Variants in OSBPL11 observed in about 807,000 individuals in gnomAD.
OSBPL11 encodes oxysterol-binding protein-related protein 11.
A neutral mutation model predicts 84.4 loss-of-function variants in OSBPL11; 33 were observed. The observed-to-expected ratio is 0.39, with a 90% confidence interval of 0.30 to 0.52. OSBPL11 has a LOEUF of 0.52. Ranked by LOEUF, OSBPL11 falls within the 20% of genes least tolerant of loss-of-function variation. The pLI is 0.72. For missense variants in OSBPL11, 736 were observed against 901.1 expected (o/e 0.82, Z 2.35); for synonymous variants, 276 against 310.2 (o/e 0.89, Z 1.16).
At chr3:125,578,321 T>C (rs1936362869) in intron 4 of OSBPL11, among the ~76,000 whole-genome samples, 1 of 152,104 alleles carries the variant, frequency 6.6e-6, no homozygotes, top group African/African-American at 2.4e-5. Flanking sequence ...ATGCCCAGAA[T>C]AGACAAATCC....
At chr3:125,579,343 T>G (rs1936385403) in intron 3 of OSBPL11, among the ~76,000 whole-genome samples, 1 of 152,236 alleles carries the variant, frequency 6.6e-6, no homozygotes, top group Non-Finnish European at 1.5e-5. Flanking sequence ...CTTAATTATT[T>G]GATGTATAAT....
chr3:125,565,722 A>G (rs1936143403), intron 6 of OSBPL11, among the ~76,000 whole-genome samples: 1 of 152,208 alleles, frequency 6.6e-6, no homozygotes, highest in African/African-American at 2.4e-5. Flanking sequence ...GAAAATTTAT[A>G]TTGAACTACT....
At chr3:125,549,741 C>G (rs891366648) in intron 9 of OSBPL11, among the ~76,000 whole-genome samples, 16 of 152,210 alleles carry the variant, frequency 1.1e-4, no homozygotes, top group Admixed American at 3.3e-4. Flanking sequence ...TCCACCTCGG[C>G]CCACCAAAGT....
chr3:125,585,392 T>C (rs1936489901), intron 1 of OSBPL11, among the ~76,000 whole-genome samples: 1 of 152,172 alleles, frequency 6.6e-6, no homozygotes, highest in African/African-American at 2.4e-5. Context: ...TGCCTCAGCC[T>C]CCCAAAGTGC....
At chr3:125,554,779 G>A (rs544228796) in intron 8 of OSBPL11, among the ~76,000 whole-genome samples, 16 of 152,006 alleles carry the variant, frequency 1.1e-4, no homozygotes, top group African/African-American at 2.7e-4. Context: ...GATAAAAGGC[G>A]AGGAAATCTC....
At position 125,576,150 on chromosome 3, in the gene OSBPL11, C is replaced by G. The variant is rs775529320; in HGVS notation, c.666+39G>C. On this transcript the variant is annotated intron_variant, in intron 5 of 12. Transcript: ENST00000296220. The stretch of plus-strand genomic sequence containing the variant: ...TGTGACAAAACCAAGCAGGTAAAAT[C>G]ATTTTGTGCATTTTAACTTGACTTT... 6.6e-5 allele frequency: 103 copies of G among 1,552,196 alleles called. 1 individual carries two copies. The South Asian group carries it at 9.8e-4, about 15-fold the overall frequency.
chr3:125,540,584 A>G (rs1276648367), intron 10 of OSBPL11, among the ~76,000 whole-genome samples: 1 of 152,128 alleles, frequency 6.6e-6, no homozygotes, highest in Non-Finnish European at 1.5e-5. Context: ...TATCTCTATC[A>G]AACAGGATAT....
chr3:125,559,269 A>G (rs1335907495), intron 8 of OSBPL11, among the ~76,000 whole-genome samples: 1 of 152,146 alleles, frequency 6.6e-6, no homozygotes, highest in Non-Finnish European at 1.5e-5. Flanking sequence ...GTTCTGTAGG[A>G]TTACGTAATT....
At chr3:125,573,219 G>T (rs1349007438) in intron 5 of OSBPL11, among the ~76,000 whole-genome samples, 2 of 151,616 alleles carry the variant, frequency 1.3e-5, no homozygotes, top group East Asian at 3.9e-4. Flanking sequence ...AAAAAAAAAA[G>T]AAAACTTCAA....
At chr3:125,588,766 A>G (rs1464434067) in intron 1 of OSBPL11, among the ~76,000 whole-genome samples, 2 of 152,204 alleles carry the variant, frequency 1.3e-5, no homozygotes, top group East Asian at 3.8e-4. Flanking sequence ...CCTGGGATAT[A>G]ATGTTTATTT....
At chr3:125,572,905 TAA>T (rs1936263529) in intron 5 of OSBPL11, among the ~76,000 whole-genome samples, 3 of 142,114 alleles carry the variant, frequency 2.1e-5, no homozygotes, top group Non-Finnish European at 4.6e-5. Context: ...GTACATATTA[TAA>T]AGTGTGTGTA....
intron 9 of OSBPL11, among the ~76,000 whole-genome samples, chr3:125,548,174 T>C (rs12490771): frequency 0.068 from 10,324 of 152,236 alleles, 470 homozygotes; most frequent in Non-Finnish European, 0.098. Flanking sequence ...CCACTGTGCC[T>C]GGCCCCTGAA....
At chr3:125,558,727 T>C (rs1261229697) in intron 8 of OSBPL11, among the ~76,000 whole-genome samples, 2 of 152,232 alleles carry the variant, frequency 1.3e-5, no homozygotes, top group African/African-American at 2.4e-5. Context: ...CATGGATTAA[T>C]TGTTAAGACA....
intron 7 of OSBPL11, among the ~76,000 whole-genome samples, chr3:125,561,262 T>C (rs1442724841): frequency 6.6e-6 from 1 of 152,232 alleles, no homozygotes; most frequent in Non-Finnish European, 1.5e-5. Flanking sequence ...CCTCCCAAAG[T>C]GCTGGGATTA....
chr3:125,560,873 A>C (rs1936066760), intron 7 of OSBPL11, among the ~76,000 whole-genome samples: 1 of 151,824 alleles, frequency 6.6e-6, no homozygotes, highest in African/African-American at 2.4e-5. Flanking sequence ...TCATTTTTGT[A>C]TTTTTAGTAG....
At chr3:125,538,101 C>T (rs1935668736) in intron 11 of OSBPL11, among the ~76,000 whole-genome samples, 1 of 152,210 alleles carries the variant, frequency 6.6e-6, no homozygotes, top group African/African-American at 2.4e-5. Context: ...TGCACTACCT[C>T]TTTACATCCT....
intron 1 of OSBPL11, among the ~76,000 whole-genome samples, chr3:125,592,032 A>G (rs1377198989): frequency 1.3e-5 from 2 of 149,436 alleles, no homozygotes; most frequent in African/African-American, 5.0e-5. Flanking sequence ...AAAACTACCA[A>G]ATTATTTTAA....
At chr3:125,565,997 C>A (rs1357415068) in intron 6 of OSBPL11, among the ~76,000 whole-genome samples, 1 of 152,054 alleles carries the variant, frequency 6.6e-6, no homozygotes, top group Non-Finnish European at 1.5e-5. Flanking sequence ...GGTAGTAGCA[C>A]CCTACACGTT....
rs10663462 is a variant in OSBPL11 at position 125,530,984 on chromosome 3, C to CTTTTTT, written c.2179-410_2179-405dup. On this transcript the variant is annotated intron_variant, in intron 12 of 12. Transcript: ENST00000296220. ...CCCCAGAACTCATTTTTTTTCTTTC[C>CTTTTTT]TTTTTTTTTTCCCCCAAGACGGAGT... Among the ~76,000 whole-genome samples the CTTTTTT allele has an allele frequency of 8.8e-4, 130 of 148,136 alleles. 1 individual carries two copies. Among genetic ancestry groups the CTTTTTT allele is most frequent in the African/African-American group, 2.9e-3 (119 of 40,422 alleles).
Sources: gnomAD v4.1 joint callset for allele counts (sites outside exome capture counted in the v4.1 genomes callset) on GRCh38, gnomAD v4.1.1 for gene constraint, MANE v1.5 for transcripts, NCBI Gene and HGNC (gene_info 2026-07-23, HGNC 2026-07-21) for gene names.